FAM170A: variants seen among roughly 807,000 people sequenced by gnomAD.
FAM170A encodes protein FAM170A.
In FAM170A, 28 loss-of-function variants were observed where a neutral mutation model predicts 36.6. That is an observed-to-expected ratio of 0.76 (90% CI 0.57 to 1.05). The LOEUF (loss-of-function observed/expected upper bound fraction) is 1.05, where lower values mean the gene tolerates loss of function less well. Ranked by LOEUF, FAM170A falls within the 50% of genes least tolerant of loss-of-function variation. The probability of loss-of-function intolerance (pLI) is 0.00; values close to 1 mark genes in which losing one functional copy is unlikely to be tolerated. For missense variants in FAM170A, 434 were observed against 396.5 expected (o/e 1.09, Z -0.80); for synonymous variants, 156 against 143.9 (o/e 1.08, Z -0.60).
chr5:119,634,704 G>A (rs554831567), exon 3 of FAM170A: 1 of 1,550,488 alleles, frequency 6.4e-7, no homozygotes, highest in South Asian at 1.3e-5. Context: ...CAATGTCCAG[G>A]CTGTGTGTTT....
chr5:119,630,831 T>A (rs980332836), intron 1 of FAM170A, among the ~76,000 whole-genome samples: 9 of 152,196 alleles, frequency 5.9e-5, no homozygotes, highest in African/African-American at 2.2e-4. Context: ...AGTCTATGAT[T>A]TGCACTACAC....
intron 2 of FAM170A, among the ~76,000 whole-genome samples, chr5:119,633,193 G>A (rs578224613): frequency 2.0e-5 from 3 of 152,168 alleles, no homozygotes; most frequent in Non-Finnish European, 2.9e-5. Flanking sequence ...ATGGGATTGG[G>A]TGCAGGGCTC....
exon 1 of FAM170A, chr5:119,629,750 A>C: frequency 6.2e-7 from 1 of 1,607,274 alleles, no homozygotes; most frequent in South Asian, 1.1e-5. Context: ...ATCTTCTAGA[A>C]ACTCTTCTAG....
exon 2 of FAM170A, chr5:119,632,795 G>T: frequency 6.2e-7 from 1 of 1,612,744 alleles, no homozygotes; most frequent in Non-Finnish European, 8.5e-7. Flanking sequence ...ATCCACTAGA[G>T]TGGCCAAAGG....
At chr5:119,634,356 T>A (rs764883030) in exon 3 of FAM170A, 12 of 1,614,026 alleles carry the variant, frequency 7.4e-6, no homozygotes, top group East Asian at 6.7e-5. Context: ...TCAGACAGCC[T>A]GCCAGGCTCA....
At chr5:119,631,266 G>A (rs1475179437) in intron 1 of FAM170A, among the ~76,000 whole-genome samples, 1 of 152,226 alleles carries the variant, frequency 6.6e-6, no homozygotes. Flanking sequence ...AGACCTGTAG[G>A]TTGAGCCCTG....
rs767965527 is a variant in FAM170A at position 119,634,023 on chromosome 5, G to A, written c.275G>A (p.Arg92Gln). The change falls in exon 3 of 5, where the codon CGA becomes CAA. Residue 92 changes from arginine to glutamine, a missense_variant. Transcript: ENST00000613773. ...TCACCCCTGGCCCAGGTTCAGGAAC[G>A]AGGAGAGACTCCTCCCCGCTCACAA... 6.8e-6 allele frequency: 11 copies of A among 1,614,012 alleles called. No individual in the cohort carries two copies. The highest frequency in any genetic ancestry group is 1.6e-4 in the Middle Eastern group (1 of 6,084).
chr5:119,634,641 A>G, exon 3 of FAM170A: 1 of 1,608,554 alleles, frequency 6.2e-7, no homozygotes, highest in Non-Finnish European at 8.5e-7. Context: ...GAAGCAAAGG[A>G]GGAGGAGGGG....
At chr5:119,633,586 T>G (rs1174501342) in intron 2 of FAM170A, among the ~76,000 whole-genome samples, 2 of 152,020 alleles carry the variant, frequency 1.3e-5, no homozygotes, top group African/African-American at 2.4e-5. Flanking sequence ...AGGTACACTT[T>G]CTGCACACAC....
At chr5:119,632,080 T>C (rs538132345) in intron 1 of FAM170A, among the ~76,000 whole-genome samples, 5 of 152,366 alleles carry the variant, frequency 3.3e-5, no homozygotes, top group African/African-American at 1.2e-4. Flanking sequence ...AAATTATTTG[T>C]AATTTATCTA....
exon 1 of FAM170A, chr5:119,629,745 C>A: frequency 1.2e-6 from 2 of 1,601,106 alleles, no homozygotes; most frequent in African/African-American, 1.3e-5. Context: ...TAAGCATCTT[C>A]TAGAAACTCT....
At chr5:119,630,826 A>G (rs956928885) in intron 1 of FAM170A, among the ~76,000 whole-genome samples, 1 of 152,336 alleles carries the variant, frequency 6.6e-6, no homozygotes, top group Admixed American at 6.5e-5. Context: ...GTAGAAGTCT[A>G]TGATTTGCAC....
At position 119,629,862 on chromosome 5, in the gene FAM170A, G is replaced by A. The variant is rs753779071; in HGVS notation, c.70+24G>A. The A allele has an allele frequency of 1.9e-6, 3 of 1,584,828 alleles. No individual in the cohort carries two copies. In the African/African-American group the frequency reaches 4.0e-5, roughly 21 times the overall value. ...AGGTATGTGCGGGGCAAACTTTCTGGGGCACAAGCGTCACTGGCCAGCCTG... is the reference window on the plus strand; with the variant it reads ...AGGTATGTGCGGGGCAAACTTTCTGAGGCACAAGCGTCACTGGCCAGCCTG... On this transcript the variant is annotated intron_variant, in intron 1 of 4. Coordinates refer to ENST00000613773, the Ensembl canonical transcript of FAM170A.
chr5:119,632,295 A>G (rs920641243), intron 1 of FAM170A, among the ~76,000 whole-genome samples: 5 of 152,244 alleles, frequency 3.3e-5, no homozygotes, highest in Non-Finnish European at 5.9e-5. Flanking sequence ...TGTCTGATTC[A>G]TGGTAGCTGT....
intron 1 of FAM170A, among the ~76,000 whole-genome samples, chr5:119,632,216 G>A (rs1274787124): frequency 1.3e-5 from 2 of 152,138 alleles, no homozygotes; most frequent in Non-Finnish European, 2.9e-5. Flanking sequence ...TCCTTGTCTA[G>A]AATGGAAAGT....
intron 4 of FAM170A, among the ~76,000 whole-genome samples, 197 bp downstream of exon 4, chr5:119,635,283 C>T (rs1228565310): frequency 6.6e-6 from 1 of 152,206 alleles, no homozygotes. Context: ...TGGGAACTTT[C>T]TCAATGTCTG....
At chr5:119,631,408 T>A (rs570810899) in intron 1 of FAM170A, among the ~76,000 whole-genome samples, 208 of 152,146 alleles carry the variant, frequency 1.4e-3, no homozygotes, top group African/African-American at 4.8e-3. Context: ...TGTCTGTGTG[T>A]GCACATGTGT....
In FAM170A at chr5:119,633,999, C is replaced by A. The variant is rs1475328976; in HGVS notation, c.251C>A (p.Ser84Ter). The change falls in exon 3 of 5, where the codon TCA (serine) becomes TAA (stop). Residue 84 changes from serine (S) to a stop codon, truncating the protein, a stop_gained. Transcript: ENST00000613773. LOFTEE classifies it high-confidence loss of function. ...CATCGAGACAGCCCCCAGCCTCAAT[C>A]ACCCCTGGCCCAGGTTCAGGAACGA... The A allele has an allele frequency of 6.2e-7, 1 of 1,613,730 alleles. No homozygotes were observed. Among genetic ancestry groups the A allele is most frequent in the Non-Finnish European group, 8.5e-7 (1 of 1,179,834 alleles).
exon 4 of FAM170A, chr5:119,635,072 C>G: frequency 6.2e-7 from 1 of 1,612,898 alleles, no homozygotes; most frequent in Non-Finnish European, 8.5e-7. Flanking sequence ...ATGGTGTGGC[C>G]TTCTCTTGCA....
Sources: gnomAD v4.1 joint callset for allele counts (sites outside exome capture counted in the v4.1 genomes callset) on GRCh38, gnomAD v4.1.1 for gene constraint, MANE v1.5 for transcripts, NCBI Gene and HGNC (gene_info 2026-07-23, HGNC 2026-07-21) for gene names.